MPZL1: variants seen among roughly 807,000 people sequenced by gnomAD.
MPZL1 encodes myelin protein zero-like protein 1.
A neutral mutation model predicts 29.3 loss-of-function variants in MPZL1; 16 were observed. The observed-to-expected ratio is 0.55, with a 90% CI of 0.37 to 0.83. The LOEUF is 0.83. Among genes scored for constraint, MPZL1 ranks in the 40% least tolerant of loss-of-function variants. MPZL1 has a pLI of 0.00. For synonymous variants in MPZL1, 143 were observed against 132.0 expected, an observed-to-expected ratio of 1.08 and a Z score of -0.57; for missense variants, 279 against 332.9, an observed-to-expected ratio of 0.84 and a Z score of 1.26.
At chr1:167,723,940 G>A (rs1660091896) in intron 1 of MPZL1, among the ~76,000 whole-genome samples, 1 of 152,188 alleles carries the variant, frequency 6.6e-6, no homozygotes, top group African/African-American at 2.4e-5. Flanking sequence ...CATTCACTGA[G>A]CACCTTTTAA....
At chr1:167,737,327 T>G (rs1476460689) in intron 1 of MPZL1, among the ~76,000 whole-genome samples, 1 of 152,174 alleles carries the variant, frequency 6.6e-6, no homozygotes, top group Non-Finnish European at 1.5e-5. Flanking sequence ...ACTTAAGATC[T>G]TAAGAGCAGG....
At chr1:167,784,984 A>G (rs557040517) in intron 5 of MPZL1, among the ~76,000 whole-genome samples, 5 of 152,356 alleles carry the variant, frequency 3.3e-5, no homozygotes, top group African/African-American at 1.2e-4. Context: ...TAACATTTAC[A>G]GACTAAAAGA....
At chr1:167,768,269 TTC>T (rs1661163070) in intron 2 of MPZL1, among the ~76,000 whole-genome samples, 1 of 152,194 alleles carries the variant, frequency 6.6e-6, no homozygotes, top group African/African-American at 2.4e-5. Context: ...CTCACTTCTG[TTC>T]TCTTATGGCA....
At chr1:167,744,516 T>C (rs1423620849) in intron 1 of MPZL1, among the ~76,000 whole-genome samples, 1 of 151,924 alleles carries the variant, frequency 6.6e-6, no homozygotes, top group African/African-American at 2.4e-5. Context: ...AACCCCTGTC[T>C]CTACTAAAAA....
At chr1:167,771,619 A>G (rs1388329786) in intron 2 of MPZL1, among the ~76,000 whole-genome samples, 1 of 152,038 alleles carries the variant, frequency 6.6e-6, no homozygotes, top group Admixed American at 6.5e-5. Context: ...GTGGCCGGGC[A>G]GAGGCGCTCC....
At chr1:167,766,716 A>C (rs575072058) in intron 2 of MPZL1, among the ~76,000 whole-genome samples, 152 of 152,294 alleles carry the variant, frequency 1.0e-3, no homozygotes, top group Middle Eastern at 6.8e-3. Context: ...TATGCCATTT[A>C]ATCTTCACAG....
Position 167,769,136 on chromosome 1 carries a change from G to T in MPZL1, c.259-3139G>T, listed in dbSNP as rs118042278. 1.2e-3 allele frequency among the ~76,000 whole-genome samples: 183 copies of T among 152,328 alleles called. 4 individuals carry two copies. The East Asian group carries it at 0.031, about 26-fold the overall frequency. ...ACATTCCCTATTTATGAAATATCAG[G>T]TAGGCGAATCTCACCTTGCAGGGTG... On this transcript the variant is annotated intron_variant, in intron 2 of 5. Coordinates refer to ENST00000359523, the MANE Select transcript of MPZL1 (RefSeq NM_003953.6).
intron 5 of MPZL1, among the ~76,000 whole-genome samples, chr1:167,777,477 G>A (rs1050433261): frequency 2.0e-5 from 3 of 152,108 alleles, no homozygotes; most frequent in Admixed American, 6.5e-5. Flanking sequence ...ATGGAAACTG[G>A]GCCCAGCTGT....
intron 1 of MPZL1, among the ~76,000 whole-genome samples, chr1:167,761,929 C>G (rs917913758): frequency 1.3e-5 from 2 of 152,070 alleles, no homozygotes; most frequent in African/African-American, 2.4e-5. Context: ...CTGAGTAAGG[C>G]AAATGAAGAC....
chr1:167,729,200 G>A (rs1252515724), intron 1 of MPZL1, among the ~76,000 whole-genome samples: 1 of 151,838 alleles, frequency 6.6e-6, no homozygotes, highest in Non-Finnish European at 1.5e-5. Flanking sequence ...AGCCTGGGAG[G>A]CAGAGGTTGC....
chr1:167,722,214 G>A lies in MPZL1; in HGVS notation c.63G>A (p.Trp21Ter). 1 of 1,239,558 alleles carries A rather than the reference G, an allele frequency of 8.1e-7. No homozygotes were observed. Among genetic ancestry groups the A allele is most frequent in the Non-Finnish European group, 1.0e-6 (1 of 988,014 alleles). The allele number at this position is 1,239,558 out of a possible 1,614,324, so 76.8% of individuals were successfully genotyped here. ...CCCCAGACAGCCGGCGCTGGCTGTG[G>A]TCGGTGCTGGCGGCGGCGCTTGGGC... ...IAAPDSRRWL[W>*]SVLAAALGLL... Residue 21 changes from tryptophan to a stop codon, truncating the protein, a stop_gained, in exon 1 of 6, where the codon TGG becomes TGA. Transcript: ENST00000359523. LOFTEE classifies it high-confidence loss of function.
intron 1 of MPZL1, among the ~76,000 whole-genome samples, chr1:167,759,936 A>T (rs1660947635): frequency 6.6e-6 from 1 of 152,162 alleles, no homozygotes; most frequent in Non-Finnish European, 1.5e-5. Context: ...TTTGTAGGCC[A>T]CTTGAGGACT....
At chr1:167,756,044 G>A (rs1294811227) in intron 1 of MPZL1, among the ~76,000 whole-genome samples, 1 of 152,162 alleles carries the variant, frequency 6.6e-6, no homozygotes. Context: ...AAAGATCTTT[G>A]TTGGTACAAA....
At chr1:167,772,239 G>T in intron 2 of MPZL1, 36 bp from the exon 3 acceptor site, 1 of 1,532,100 alleles carries the variant, frequency 6.5e-7, no homozygotes, top group South Asian at 1.1e-5. Flanking sequence ...TTCTGCCTTT[G>T]AGAATAGTTC....
intron 1 of MPZL1, among the ~76,000 whole-genome samples, chr1:167,728,533 T>G (rs1660201633): frequency 6.6e-6 from 1 of 152,120 alleles, no homozygotes; most frequent in Non-Finnish European, 1.5e-5. Context: ...TCAATGCATG[T>G]GGCTACTGTA....
intron 2 of MPZL1, among the ~76,000 whole-genome samples, chr1:167,766,841 T>G (rs1661125547): frequency 1.3e-5 from 2 of 152,216 alleles, no homozygotes. Context: ...ATGATTTCCC[T>G]TATGTATTAT....
At chr1:167,775,434 C>T (rs1482978746) in intron 4 of MPZL1, among the ~76,000 whole-genome samples, 1 of 152,174 alleles carries the variant, frequency 6.6e-6, no homozygotes, top group Non-Finnish European at 1.5e-5. Context: ...TGAGATAGTG[C>T]TTGTTGTTAA....
At chr1:167,732,731 C>T (rs1571134629) in intron 1 of MPZL1, among the ~76,000 whole-genome samples, 1 of 152,204 alleles carries the variant, frequency 6.6e-6, no homozygotes, top group African/African-American at 2.4e-5. Context: ...ATTCTCTTGC[C>T]ACAGCCTCCT....
At chr1:167,746,031 A>G (rs1302994854) in intron 1 of MPZL1, among the ~76,000 whole-genome samples, 1 of 152,150 alleles carries the variant, frequency 6.6e-6, no homozygotes, top group Admixed American at 6.5e-5. Context: ...TACATGAACT[A>G]TGACAATTTT....
Sources: allele counts gnomAD v4.1 joint callset (sites outside exome capture counted in the v4.1 genomes callset), GRCh38; gene constraint gnomAD v4.1.1; transcripts MANE v1.5; gene names NCBI Gene and HGNC (gene_info 2026-07-23, HGNC 2026-07-21).